Variants in NLGN1 observed in about 807,000 individuals in gnomAD.
The protein encoded by NLGN1 is neuroligin 1, also known as neuroligin-1.
A neutral mutation model predicts 65.5 loss-of-function variants in NLGN1; 12 were observed. The ratio of observed to expected loss-of-function variants is 0.18; its 90% CI spans 0.12 to 0.30. NLGN1 has a LOEUF of 0.30. Ranked by LOEUF, NLGN1 falls within the 10% of genes least tolerant of loss-of-function variation. The probability of loss-of-function intolerance (pLI) is 1.00; values close to 1 mark genes in which losing one functional copy is unlikely to be tolerated. For synonymous variants in NLGN1, 350 were observed against 359.5 expected (o/e 0.97, Z 0.30); for missense variants, 750 against 1,007.1 (o/e 0.74, Z 3.46).
chr3:173,544,545 A>T (rs1739440992), intron 2 of NLGN1, among the ~76,000 whole-genome samples: 1 of 152,128 alleles, frequency 6.6e-6, no homozygotes, highest in Non-Finnish European at 1.5e-5. Flanking sequence ...TGAAAATGAG[A>T]CTACAAGGAA....
chr3:173,921,211 AAT>A (rs1412897727), intron 4 of NLGN1, among the ~76,000 whole-genome samples: 1 of 147,228 alleles, frequency 6.8e-6, no homozygotes, highest in African/African-American at 2.5e-5. Context: ...TAGTATATAT[AAT>A]ATATATACTA....
At chr3:173,792,505 A>G (rs1294282852) in intron 3 of NLGN1, among the ~76,000 whole-genome samples, 2 of 152,150 alleles carry the variant, frequency 1.3e-5, no homozygotes, top group South Asian at 2.1e-4. Flanking sequence ...CCATGTTTGC[A>G]CTAACACCTT....
At chr3:173,499,520 A>G (rs1053488937) in intron 2 of NLGN1, among the ~76,000 whole-genome samples, 2 of 151,736 alleles carry the variant, frequency 1.3e-5, no homozygotes, top group South Asian at 4.1e-4. Flanking sequence ...TTGCGTTAGG[A>G]TTGACTTGGC....
chr3:174,057,135 A>T (rs1304383589), intron 4 of NLGN1, among the ~76,000 whole-genome samples: 1 of 151,904 alleles, frequency 6.6e-6, no homozygotes. Flanking sequence ...GAGGGGAAAA[A>T]AAAAGAACTT....
chr3:174,238,564 C>T (rs914566883), intron 4 of NLGN1, among the ~76,000 whole-genome samples: 6 of 152,002 alleles, frequency 3.9e-5, no homozygotes, highest in Non-Finnish European at 5.9e-5. Flanking sequence ...GGTTTTACCA[C>T]GTTGGCCCGG....
intron 3 of NLGN1, among the ~76,000 whole-genome samples, chr3:173,723,228 G>T (rs1051311161): frequency 6.6e-6 from 1 of 152,148 alleles, no homozygotes; most frequent in South Asian, 2.1e-4. Flanking sequence ...GGGCCCTGTG[G>T]AACATTATAA....
chr3:174,103,197 G>A (rs1223242385), intron 4 of NLGN1, among the ~76,000 whole-genome samples: 2 of 152,128 alleles, frequency 1.3e-5, no homozygotes, highest in African/African-American at 4.8e-5. Context: ...GAAGTTCCGT[G>A]TGTCACATTC....
chr3:173,475,598 C>T (rs1726060244), intron 2 of NLGN1, among the ~76,000 whole-genome samples: 1 of 152,146 alleles, frequency 6.6e-6, no homozygotes, highest in African/African-American at 2.4e-5. Context: ...AATACTTCAT[C>T]TTGTCTGCCA....
chr3:174,230,887 G>A (rs1740582871), intron 4 of NLGN1, among the ~76,000 whole-genome samples: 2 of 152,154 alleles, frequency 1.3e-5, no homozygotes, highest in South Asian at 2.1e-4. Context: ...CTTTAATGGT[G>A]TAGGGAATTG....
At chr3:174,169,960 A>G (rs1728213434) in intron 4 of NLGN1, among the ~76,000 whole-genome samples, 1 of 152,118 alleles carries the variant, frequency 6.6e-6, no homozygotes. Context: ...GGTTGCTCGG[A>G]TTCCCAGTGT....
rs1053909264 is a variant in NLGN1, at chr3:173,531,784, C to A, written c.-320-72495C>A. Among the ~76,000 whole-genome samples the A allele has an allele frequency of 3.6e-4, 54 of 152,090 alleles. 1 individual carries two copies. Among genetic ancestry groups the A allele is most frequent in the Non-Finnish European group, 7.4e-5 (5 of 67,980 alleles). On this transcript the variant is annotated intron_variant, in intron 2 of 6. Coordinates refer to ENST00000457714, the Ensembl canonical transcript of NLGN1. ...CTAAAGCTCTACCTTACATTTGATTCTTTTAAGCCTCCAGGGAGGATATTT... is the reference window on the plus strand; with the variant it reads ...CTAAAGCTCTACCTTACATTTGATTATTTTAAGCCTCCAGGGAGGATATTT...
In NLGN1 at chr3:173,410,805, T is replaced by C. The variant is rs529644389; in HGVS notation, c.-390+12318T>C. On this transcript the variant is annotated intron_variant, in intron 1 of 6. Transcript: ENST00000457714. ...CATGTTTTAATCACACATAAAAAAA[T>C]TAAATTTATCCCAAAGTTATTTTCT... Among the ~76,000 whole-genome samples, 6 of 152,348 alleles carry C rather than the reference T, an allele frequency of 3.9e-5. No homozygotes were observed. In the South Asian group the frequency reaches 1.2e-3, roughly 32 times the overall value.
intron 4 of NLGN1, among the ~76,000 whole-genome samples, chr3:173,915,857 A>G (rs528054193): frequency 3.3e-5 from 5 of 151,678 alleles, no homozygotes; most frequent in Admixed American, 2.6e-4. Flanking sequence ...TTTCATATTT[A>G]TGCTCATATG....
chr3:174,014,944 C>A (rs1054511901), intron 4 of NLGN1, among the ~76,000 whole-genome samples: 3 of 152,016 alleles, frequency 2.0e-5, no homozygotes, highest in African/African-American at 7.2e-5. Flanking sequence ...TTTTCAAGTC[C>A]ACCTGAGTGG....
chr3:173,668,648 C>T (rs1762048481), intron 3 of NLGN1, among the ~76,000 whole-genome samples: 2 of 142,926 alleles, frequency 1.4e-5, no homozygotes, highest in Admixed American at 7.1e-5. Flanking sequence ...AAGACAGAGT[C>T]TCACTCCGTC....
At chr3:173,858,148 C>T (rs116629622) in intron 4 of NLGN1, among the ~76,000 whole-genome samples, 1,730 of 152,228 alleles carry the variant, frequency 0.011, 31 homozygotes, top group African/African-American at 0.04. Flanking sequence ...TTTGCCATTA[C>T]TTCTTTGTTA....
chr3:174,170,251 A>G (rs1373653787), intron 4 of NLGN1, among the ~76,000 whole-genome samples: 4 of 152,052 alleles, frequency 2.6e-5, no homozygotes, highest in East Asian at 1.9e-4. Flanking sequence ...GTTTTGTTCA[A>G]TTAGTCCATC....
At chr3:174,129,203 T>C (rs1011613731) in intron 4 of NLGN1, among the ~76,000 whole-genome samples, 1 of 151,988 alleles carries the variant, frequency 6.6e-6, no homozygotes, top group African/African-American at 2.4e-5. Flanking sequence ...ATCCTCTACA[T>C]TCAAGACTTA....
chr3:173,772,365 C>T (rs900109724), intron 3 of NLGN1, among the ~76,000 whole-genome samples: 2 of 152,108 alleles, frequency 1.3e-5, no homozygotes, highest in South Asian at 2.1e-4. Flanking sequence ...CTCCTGCAAT[C>T]CCAGCACTTC....
Sources: allele counts gnomAD v4.1 joint callset (sites outside exome capture counted in the v4.1 genomes callset), GRCh38; gene constraint gnomAD v4.1.1; transcripts MANE v1.5; gene names NCBI Gene and HGNC (gene_info 2026-07-23, HGNC 2026-07-21).